KIDINS220: variants seen among roughly 807,000 people sequenced by gnomAD.
KIDINS220 encodes kinase D-interacting substrate of 220 kDa.
Under a neutral mutation model 157.6 loss-of-function variants are expected in KIDINS220, and 63 were observed. The ratio of observed to expected loss-of-function variants is 0.40; its 90% CI spans 0.33 to 0.49. The LOEUF is 0.49. Among genes scored for constraint, KIDINS220 ranks in the 20% least tolerant of loss-of-function variants. KIDINS220 has a pLI of 0.66. For synonymous variants in KIDINS220, 732 were observed against 783.6 expected (o/e 0.93, Z 1.10); for missense variants, 1,772 against 2,171.2 (o/e 0.82, Z 3.65).
At position 8,733,632 on chromosome 2, in the gene KIDINS220, G is replaced by A. The variant is rs781331572; in HGVS notation, c.3865C>T (p.Arg1289Cys). 1.2e-5 allele frequency: 19 copies of A among 1,607,770 alleles called. No individual in the cohort carries two copies. Among genetic ancestry groups the A allele is most frequent in the Non-Finnish European group, 1.4e-5 (16 of 1,175,304 alleles). ...AESHVVPEDP[R>C]FLSESSSGPA... ...CCACTGCTGCTCTCACTGAGGAAAC[G>A]TGGGTCTTCAGGGACCACGTGGCTT... The change falls in exon 29 of 30, where the codon CGT becomes TGT. Residue 1289 changes from arginine to cysteine, a missense_variant. This residue lies in a region of KIDINS220 where 793 missense variants were observed against 885.5 expected (regional missense o/e 0.90). Coordinates refer to ENST00000256707, the MANE Select transcript of KIDINS220 (RefSeq NM_020738.4).
chr2:8,798,262 T>G lies in KIDINS220; in HGVS notation c.939A>C (p.Gly313=). Residue 313 remains glycine, a synonymous_variant, in exon 10 of 30, where the codon GGA becomes GGC. Coordinates refer to ENST00000256707, the MANE Select transcript of KIDINS220 (RefSeq NM_020738.4). The stretch of plus-strand genomic sequence containing the variant: ...AGATATCTCTCACCATTGTTGCATT[T>G]CCTTTCTCAACAGCCCAATACAAAG... The part of the protein sequence containing the change: ...KTALYWAVEK[G]NATMVRDILQ... 6.2e-7 allele frequency: 1 copy of G among 1,612,276 alleles called. No individual in the cohort carries two copies. The highest frequency in any genetic ancestry group is 8.5e-7 in the Non-Finnish European group (1 of 1,178,526).
chr2:8,763,861 C>T (rs1669100661), intron 22 of KIDINS220, among the ~76,000 whole-genome samples: 2 of 152,152 alleles, frequency 1.3e-5, no homozygotes, highest in Non-Finnish European at 2.9e-5. Context: ...AAATGCAGAT[C>T]CACCATTTGA....
Position 8,827,033 on chromosome 2 carries a change from G to C in KIDINS220, c.61C>G (p.Leu21Val), listed in dbSNP as rs754604203. 4 of 1,610,186 alleles carry C rather than the reference G, an allele frequency of 2.5e-6. No homozygotes were observed. The highest frequency in any genetic ancestry group is 3.4e-6 in the Non-Finnish European group (4 of 1,177,578). Residue 21 changes from leucine to valine, a missense_variant, in exon 2 of 30, where the codon CTG (leucine) becomes GTG (valine). Around this residue, in one of 3 missense-constraint regions of KIDINS220, gnomAD observed 254 missense variants for 268.6 expected, o/e 0.95. Transcript: ENST00000256707. Reference sequence around the variant, plus strand: ...TTGCATTTTTCAAGAAGAGCTTTCAGAGCAGGAATGTTTTCTTCCTCTACA... The same window carrying C: ...TTGCATTTTTCAAGAAGAGCTTTCACAGCAGGAATGTTTTCTTCCTCTACA... ...NYVEEENIPALKALLEKCKDV... is the reference protein window; with the variant it reads ...NYVEEENIPAVKALLEKCKDV...
intron 1 of KIDINS220, among the ~76,000 whole-genome samples, chr2:8,828,249 C>A (rs998479440): frequency 2.6e-5 from 4 of 152,192 alleles, no homozygotes; most frequent in Non-Finnish European, 5.9e-5. Flanking sequence ...CTAAAATTCT[C>A]TTCCACAGGA....
chr2:8,787,230 A>G (rs896344396), intron 15 of KIDINS220, among the ~76,000 whole-genome samples: 5 of 151,758 alleles, frequency 3.3e-5, no homozygotes, highest in Non-Finnish European at 5.9e-5. Flanking sequence ...CTTAATACTT[A>G]ATTCTCTATG....
chr2:8,787,534 A>G lies in KIDINS220; in HGVS notation c.1787+1113T>C, dbSNP rs974850270. The stretch of plus-strand genomic sequence containing the variant: ...CAGGCACGCACCACCACACCCAGCT[A>G]ATTTTTCTATTTTTTGTAGAGATGG... On this transcript the variant is annotated intron_variant, in intron 15 of 29. Coordinates refer to ENST00000256707, the MANE Select transcript of KIDINS220 (RefSeq NM_020738.4). 2.0e-5 allele frequency among the ~76,000 whole-genome samples: 3 copies of G among 151,604 alleles called. No individual in the cohort carries two copies. In the South Asian group the frequency reaches 6.2e-4, roughly 32 times the overall value.
chr2:8,746,833 G>A, intron 26 of KIDINS220: 1 of 290,020 alleles, frequency 3.4e-6, no homozygotes, highest in Non-Finnish European at 6.4e-6. Context: ...CTCACACTGA[G>A]GAGCAAATAC....
Position 8,730,283 on chromosome 2 carries a change from C to G in KIDINS220, c.*437G>C, listed in dbSNP as rs1332909254. 2.0e-6 allele frequency: 2 copies of G among 999,844 alleles called. No homozygotes were observed. The highest frequency in any genetic ancestry group is 2.4e-6 in the Non-Finnish European group (2 of 839,522). 61.9% of individuals were successfully genotyped at this position (999,844 alleles called of 1,614,324 possible). A position where few individuals can be genotyped will look rare whatever the true frequency, so the allele number is the denominator to read the frequency against. On this transcript the variant is annotated 3_prime_UTR_variant, in exon 30 of 30. Transcript: ENST00000256707. The stretch of plus-strand genomic sequence containing the variant: ...GCTGTGCACTCACCTAGGTGAGCCC[C>G]TAAGAGCAGGGTTTGCTTCTGCTTC...
downstream of KIDINS220, chr2:8,727,261 C>T (rs766665654): frequency 1.3e-5 from 14 of 1,070,716 alleles, 1 homozygote; most frequent in Admixed American, 4.3e-5. Flanking sequence ...CCAGTGTCGG[C>T]GTGCGCCTGG....
chr2:8,775,397 C>CTAAA (rs113425026), intron 21 of KIDINS220, among the ~76,000 whole-genome samples: 4,799 of 152,124 alleles, frequency 0.032, 278 homozygotes, highest in African/African-American at 0.11. Flanking sequence ...CATTCCAATG[C>CTAAA]TAAATGGCAA....
At chr2:8,822,197 C>T (rs1323058544) in intron 2 of KIDINS220, among the ~76,000 whole-genome samples, 1 of 152,198 alleles carries the variant, frequency 6.6e-6, no homozygotes, top group Non-Finnish European at 1.5e-5. Flanking sequence ...CCCATTTCTA[C>T]TTATTTAAGT....
intron 26 of KIDINS220, among the ~76,000 whole-genome samples, chr2:8,737,493 G>A (rs1665051677): frequency 6.6e-6 from 1 of 152,216 alleles, no homozygotes; most frequent in Non-Finnish European, 1.5e-5. Context: ...TACAAGAGCT[G>A]AAGTTTTCAG....
At position 8,808,222 on chromosome 2, in the gene KIDINS220, C is replaced by T. The variant is rs552044936; in HGVS notation, c.505-1853G>A. ...AAAGAACTAAATTCTCTTTTCTAGC[C>T]TCCTCTTTTGCGGATAATACTTACT... On this transcript the variant is annotated intron_variant, in intron 6 of 29. Transcript: ENST00000256707. Among the ~76,000 whole-genome samples the T allele has an allele frequency of 1.7e-4, 26 of 152,286 alleles. 3 individuals are homozygous for T. The highest frequency in any genetic ancestry group is 6.3e-4 in the African/African-American group (26 of 41,562).
chr2:8,769,137 C>T (rs1373071404), intron 22 of KIDINS220, among the ~76,000 whole-genome samples: 1 of 152,184 alleles, frequency 6.6e-6, no homozygotes. Flanking sequence ...CATTCTATCC[C>T]CACCTAACAC....
At position 8,794,004 on chromosome 2, in the gene KIDINS220, C is replaced by T. The variant is rs749631573; in HGVS notation, c.1099-17G>A. 6 of 1,572,648 alleles carry T rather than the reference C, an allele frequency of 3.8e-6. No individual in the cohort carries two copies. The highest frequency in any genetic ancestry group is 2.2e-5 in the East Asian group (1 of 44,450). On this transcript the variant is annotated splice_polypyrimidine_tract_variant and intron_variant, in intron 11 of 29. Coordinates refer to ENST00000256707, the MANE Select transcript of KIDINS220 (RefSeq NM_020738.4). Reference sequence around the variant, plus strand: ...ATCTCCTTTCTGTAAAATAATAGTACGAAACTTGAACTTTCTTATCTTTAT... The same window carrying T: ...ATCTCCTTTCTGTAAAATAATAGTATGAAACTTGAACTTTCTTATCTTTAT...
rs572929383 is a variant in KIDINS220, at chr2:8,768,869, T to C, written c.3011+1801A>G. Among the ~76,000 whole-genome samples the C allele has an allele frequency of 5.3e-5, 8 of 152,284 alleles. 1 individual carries two copies. Among genetic ancestry groups the C allele is most frequent in the African/African-American group, 1.9e-4 (8 of 41,564 alleles). On this transcript the variant is annotated intron_variant, in intron 22 of 29. Coordinates refer to ENST00000256707, the MANE Select transcript of KIDINS220 (RefSeq NM_020738.4). ...TTTTTCATTCCAAATCCTTATTATA[T>C]ATAATTATTTTAAGTCAATTCATAC...
intron 10 of KIDINS220, 92 bp downstream of exon 10, chr2:8,798,110 C>T: frequency 1.4e-6 from 1 of 728,298 alleles, no homozygotes; most frequent in Non-Finnish European, 2.4e-6. Context: ...ATCAGTGTAA[C>T]TCTAACATCA....
At chr2:8,799,939 CT>C (rs2148318466) in intron 9 of KIDINS220, among the ~76,000 whole-genome samples, 1 of 152,166 alleles carries the variant, frequency 6.6e-6, no homozygotes, top group African/African-American at 2.4e-5. Context: ...TCCATAGGCA[CT>C]ACCAAGTGGT....
At chr2:8,759,836 T>C (rs1668526664) in intron 22 of KIDINS220, among the ~76,000 whole-genome samples, 1 of 152,184 alleles carries the variant, frequency 6.6e-6, no homozygotes, top group African/African-American at 2.4e-5. Flanking sequence ...ACCTACTGTC[T>C]GCCATTCTCT....
Sources: gnomAD v4.1 joint callset for allele counts (sites outside exome capture counted in the v4.1 genomes callset) on GRCh38, gnomAD v4.1.1 for gene constraint, gnomAD v4.1.1 regional missense constraint, MANE v1.5 for transcripts, NCBI Gene and HGNC (gene_info 2026-07-23, HGNC 2026-07-21) for gene names.